CHSY3: variants seen among roughly 807,000 people sequenced by gnomAD.
CHSY3 encodes the protein chondroitin sulfate synthase 3.
In CHSY3, 35 loss-of-function variants were observed where a neutral mutation model predicts 67.2. That is an observed-to-expected ratio of 0.52 (90% confidence interval 0.40 to 0.69). The LOEUF is 0.69. Ranked by LOEUF, CHSY3 falls within the 30% of genes least tolerant of loss-of-function variation. The pLI, the probability that CHSY3 is intolerant of heterozygous loss-of-function variation, is 0.00. For missense variants in CHSY3, 1,069 were observed against 1,138.5 expected, an observed-to-expected ratio of 0.94 and a Z score of 0.88; for synonymous variants, 474 against 434.7, an observed-to-expected ratio of 1.09 and a Z score of -1.12.
At chr5:130,097,002 T>C (rs114041689) in intron 2 of CHSY3, among the ~76,000 whole-genome samples, 3,329 of 152,386 alleles carry the variant, frequency 0.022, 131 homozygotes, top group African/African-American at 0.076. Flanking sequence ...TTTGGTGTGC[T>C]GCTTCCAAGT....
intron 2 of CHSY3, chr5:130,141,335 C>A: frequency 2.6e-6 from 1 of 381,160 alleles, no homozygotes; most frequent in Non-Finnish European, 5.2e-6. Flanking sequence ...GCGTGGTGTG[C>A]TTATTTAGAT....
intron 2 of CHSY3, among the ~76,000 whole-genome samples, chr5:130,016,282 G>T (rs1165083840): frequency 6.6e-6 from 1 of 152,198 alleles, no homozygotes; most frequent in African/African-American, 2.4e-5. Flanking sequence ...ACACATAATT[G>T]GGGATATAAG....
chr5:130,008,096 AC>A (rs1465828749), intron 2 of CHSY3, among the ~76,000 whole-genome samples: 2 of 152,036 alleles, frequency 1.3e-5, no homozygotes, highest in Non-Finnish European at 1.5e-5. Flanking sequence ...GCATTTGCAG[AC>A]CCTGCTGCTG....
chr5:130,141,943 C>G, intron 2 of CHSY3: 1 of 210,898 alleles, frequency 4.7e-6, no homozygotes, highest in South Asian at 6.5e-5. Context: ...ATTGAAGAGG[C>G]TGACTAAGTC....
intron 2 of CHSY3, among the ~76,000 whole-genome samples, chr5:130,004,058 G>A (rs4642404): frequency 0.94 from 143,485 of 152,294 alleles, 67,698 homozygotes; most frequent in East Asian, 1. Context: ...AAACATTCAA[G>A]GCCATTGATA....
intron 2 of CHSY3, chr5:130,139,954 T>C (rs529395547): frequency 6.6e-6 from 1 of 152,440 alleles, no homozygotes; most frequent in East Asian, 1.9e-4. Context: ...ATTCCTATAA[T>C]GGCTCATGGA....
At chr5:130,135,377 C>T (rs374999175) in intron 2 of CHSY3, among the ~76,000 whole-genome samples, 152 of 152,112 alleles carry the variant, frequency 1.0e-3, no homozygotes, top group African/African-American at 3.4e-3. Flanking sequence ...AGATTTACCT[C>T]ATTTACCTCA....
chr5:130,097,943 G>T (rs552667768), intron 2 of CHSY3, among the ~76,000 whole-genome samples: 14 of 152,162 alleles, frequency 9.2e-5, no homozygotes, highest in Non-Finnish European at 1.3e-4. Context: ...GGCAGAGCTT[G>T]CAGTGAGCCG....
At chr5:129,919,886 G>A (rs961306658) in intron 2 of CHSY3, among the ~76,000 whole-genome samples, 1 of 152,126 alleles carries the variant, frequency 6.6e-6, no homozygotes, top group Non-Finnish European at 1.5e-5. Flanking sequence ...TTTTTATACA[G>A]TGTGGAGTGA....
chr5:130,004,564 G>A (rs1763819422), intron 2 of CHSY3, among the ~76,000 whole-genome samples: 1 of 152,136 alleles, frequency 6.6e-6, no homozygotes, highest in Non-Finnish European at 1.5e-5. Flanking sequence ...AATGAGGAAA[G>A]AGAAAAGGTG....
chr5:130,025,701 C>A (rs1461117653), intron 2 of CHSY3, among the ~76,000 whole-genome samples: 1 of 151,980 alleles, frequency 6.6e-6, no homozygotes, highest in Non-Finnish European at 1.5e-5. Context: ...TGTGTCCTCC[C>A]ATAGCAGAAG....
At chr5:130,124,505 G>T (rs1229714083) in intron 2 of CHSY3, among the ~76,000 whole-genome samples, 1 of 151,344 alleles carries the variant, frequency 6.6e-6, no homozygotes, top group Non-Finnish European at 1.5e-5. Flanking sequence ...GCCCAGGCTG[G>T]AGTGCAATGG....
At chr5:129,930,515 G>A (rs371338428) in intron 2 of CHSY3, among the ~76,000 whole-genome samples, 12 of 145,524 alleles carry the variant, frequency 8.2e-5, no homozygotes, top group South Asian at 2.4e-4. Flanking sequence ...TGGCGGGGGG[G>A]GGGTATGAAG....
chr5:129,986,424 T>C (rs1422866545), intron 2 of CHSY3, among the ~76,000 whole-genome samples: 1 of 152,120 alleles, frequency 6.6e-6, no homozygotes, highest in Non-Finnish European at 1.5e-5. Context: ...TGGATTCTAT[T>C]TGCAATTACT....
chr5:130,185,891 T>A lies in CHSY3; in HGVS notation c.*100T>A. The A allele has an allele frequency of 1.6e-6, 1 of 633,738 alleles. No homozygotes were observed. The highest frequency in any genetic ancestry group is 2.3e-6 in the Non-Finnish European group (1 of 437,628). The allele number at this position is 633,738 out of a possible 1,614,324, so 39.3% of individuals were successfully genotyped here. On this transcript the variant is annotated 3_prime_UTR_variant, in exon 3 of 3. Coordinates refer to ENST00000305031, the MANE Select transcript of CHSY3 (RefSeq NM_175856.5). ...TATTGTTATTTTATTATTATTATTGTTATAATTTTATTTTGTTGTCCTGGT... is the reference window on the plus strand; with the variant it reads ...TATTGTTATTTTATTATTATTATTGATATAATTTTATTTTGTTGTCCTGGT...
intron 2 of CHSY3, among the ~76,000 whole-genome samples, chr5:130,033,560 C>T (rs1178648640): frequency 1.3e-5 from 2 of 152,102 alleles, no homozygotes; most frequent in Non-Finnish European, 2.9e-5. Flanking sequence ...CAGTAACTCC[C>T]ACTGATTTGG....
chr5:130,089,388 A>G (rs949647464), intron 2 of CHSY3, among the ~76,000 whole-genome samples: 1 of 151,912 alleles, frequency 6.6e-6, no homozygotes, highest in Non-Finnish European at 1.5e-5. Flanking sequence ...TAAAATAAAA[A>G]TTAAAAATAA....
At chr5:129,979,863 G>T (rs180984863) in intron 2 of CHSY3, among the ~76,000 whole-genome samples, 2 of 151,870 alleles carry the variant, frequency 1.3e-5, no homozygotes, top group Non-Finnish European at 2.9e-5. Context: ...AACCTTTTTC[G>T]CTTGGTTTTA....
intron 2 of CHSY3, among the ~76,000 whole-genome samples, chr5:130,120,486 G>GAAAAA (rs34727574): frequency 1.7e-4 from 16 of 95,730 alleles, no homozygotes; most frequent in Non-Finnish European, 2.9e-4. Context: ...ATTTCTGAAA[G>GAAAAA]AAAAAAAAAA....
Sources: allele counts gnomAD v4.1 joint callset (sites outside exome capture counted in the v4.1 genomes callset), GRCh38; gene constraint gnomAD v4.1.1; transcripts MANE v1.5; gene names NCBI Gene and HGNC (gene_info 2026-07-23, HGNC 2026-07-21).